Variants in MEGF9 observed in about 807,000 individuals in gnomAD.
The protein encoded by MEGF9 is multiple epidermal growth factor-like domains protein 9.
MEGF9 carries 6 observed loss-of-function variants against 46.8 expected under a neutral mutation model. The observed-to-expected ratio is 0.13, with a 90% CI of 0.07 to 0.25. The LOEUF (loss-of-function observed/expected upper bound fraction) is 0.25, where lower values mean the gene tolerates loss of function less well. Ranked by LOEUF, MEGF9 falls within the 10% of genes least tolerant of loss-of-function variation. MEGF9 has a pLI of 1.00. For synonymous variants in MEGF9, 302 were observed against 330.7 expected (o/e 0.91, Z 0.94); for missense variants, 683 against 792.4 (o/e 0.86, Z 1.66).
intron 1 of MEGF9, among the ~76,000 whole-genome samples, chr9:120,708,804 T>C (rs911799227): frequency 6.6e-6 from 1 of 152,152 alleles, no homozygotes; most frequent in Non-Finnish European, 1.5e-5. Context: ...TTTAACACAA[T>C]CAATCTTATA....
At chr9:120,699,154 T>C (rs1198008934) in intron 1 of MEGF9, among the ~76,000 whole-genome samples, 5 of 152,220 alleles carry the variant, frequency 3.3e-5, no homozygotes, top group African/African-American at 1.2e-4. Flanking sequence ...TTTGGTGACA[T>C]GATAAATAAT....
chr9:120,700,258 T>C (rs972191539), intron 1 of MEGF9, among the ~76,000 whole-genome samples: 2 of 152,242 alleles, frequency 1.3e-5, no homozygotes, highest in African/African-American at 4.8e-5. Flanking sequence ...TGACTTCGAT[T>C]CTACTGATTA....
At chr9:120,676,878 C>T (rs2043775477) in intron 1 of MEGF9, among the ~76,000 whole-genome samples, 1 of 152,144 alleles carries the variant, frequency 6.6e-6, no homozygotes, top group Non-Finnish European at 1.5e-5. Flanking sequence ...ACTGCAAGTC[C>T]CAGTTTATTA....
chr9:120,611,024 C>T (rs2043442768), intron 4 of MEGF9, among the ~76,000 whole-genome samples: 1 of 152,116 alleles, frequency 6.6e-6, no homozygotes, highest in Admixed American at 6.6e-5. Context: ...GAACATGCAA[C>T]TTAAAACCAC....
At chr9:120,671,246 T>G (rs1264406489) in intron 1 of MEGF9, among the ~76,000 whole-genome samples, 3 of 152,178 alleles carry the variant, frequency 2.0e-5, no homozygotes, top group Non-Finnish European at 4.4e-5. Flanking sequence ...CAGATCATTT[T>G]GGTTCCCAAT....
At chr9:120,644,982 G>C (rs760857601) in intron 2 of MEGF9, among the ~76,000 whole-genome samples, 1 of 152,198 alleles carries the variant, frequency 6.6e-6, no homozygotes, top group Non-Finnish European at 1.5e-5. Context: ...GTGTGCAATT[G>C]CTTTGCCATT....
In MEGF9 at chr9:120,604,727, T is replaced by C. The variant is rs1207714943; in HGVS notation, c.*463A>G. 1 of 164,252 alleles carries C rather than the reference T, an allele frequency of 6.1e-6. No homozygotes were observed. The highest frequency in any genetic ancestry group is 1.4e-5 in the Non-Finnish European group (1 of 73,778). 10.2% of individuals were successfully genotyped at this position (164,252 alleles called of 1,614,324 possible). On this transcript the variant is annotated 3_prime_UTR_variant, in exon 6 of 6. Coordinates refer to ENST00000373930, the MANE Select transcript of MEGF9 (RefSeq NM_001080497.3). ...TGTGATACAGCCTAGAAACAAGCTTTTCCTCAATGATGTCCTTTTGTATAG... is the reference window on the plus strand; with the variant it reads ...TGTGATACAGCCTAGAAACAAGCTTCTCCTCAATGATGTCCTTTTGTATAG...
chr9:120,678,861 G>C (rs2043785241), intron 1 of MEGF9, among the ~76,000 whole-genome samples: 1 of 152,130 alleles, frequency 6.6e-6, no homozygotes, highest in African/African-American at 2.4e-5. Context: ...TGGCTGAACA[G>C]ACACATGAAA....
At chr9:120,712,035 C>T (rs1423498904) in intron 1 of MEGF9, among the ~76,000 whole-genome samples, 1 of 152,132 alleles carries the variant, frequency 6.6e-6, no homozygotes, top group East Asian at 1.9e-4. Context: ...GGCAGGAGGA[C>T]TGCTTGAGTT....
chr9:120,686,838 A>G (rs2043825008), intron 1 of MEGF9, among the ~76,000 whole-genome samples: 1 of 151,820 alleles, frequency 6.6e-6, no homozygotes, highest in Non-Finnish European at 1.5e-5. Flanking sequence ...TTCCCTTTCA[A>G]CTCTCTGGGA....
At chr9:120,682,654 T>C (rs556377362) in intron 1 of MEGF9, among the ~76,000 whole-genome samples, 4 of 152,292 alleles carry the variant, frequency 2.6e-5, no homozygotes, top group African/African-American at 9.6e-5. Flanking sequence ...GTGGCATGAT[T>C]ATGGTCCACT....
intron 1 of MEGF9, among the ~76,000 whole-genome samples, chr9:120,668,791 G>T (rs1357617203): frequency 6.6e-6 from 1 of 152,178 alleles, no homozygotes; most frequent in African/African-American, 2.4e-5. Flanking sequence ...CTGTGATGCA[G>T]GTACCTTAAG....
intron 1 of MEGF9, among the ~76,000 whole-genome samples, chr9:120,697,596 C>T (rs62578018): frequency 0.051 from 7,765 of 152,102 alleles, 286 homozygotes; most frequent in Non-Finnish European, 0.075. Context: ...TTGTTAGCAC[C>T]GATCCTCTTT....
At chr9:120,686,947 T>TTGTGTG (rs59677137) in intron 1 of MEGF9, among the ~76,000 whole-genome samples, 3 of 150,626 alleles carry the variant, frequency 2.0e-5, no homozygotes, top group African/African-American at 2.4e-5. Context: ...ATAAAATAGT[T>TTGTGTG]TGTGTGTGTG....
chr9:120,624,590 GGGCGTGGT>G (rs2043515781), intron 2 of MEGF9, among the ~76,000 whole-genome samples: 1 of 152,102 alleles, frequency 6.6e-6, no homozygotes. Context: ...AATATAGGCC[GGGCGTGGT>G]GGCTCACACC....
rs2132348326 is a variant in MEGF9, at chr9:120,711,219, C to T, written c.601+2539G>A. Among the ~76,000 whole-genome samples the T allele has an allele frequency of 2.0e-5, 3 of 152,146 alleles. 1 individual carries two copies. In the South Asian group the frequency reaches 6.2e-4, roughly 32 times the overall value. On this transcript the variant is annotated intron_variant, in intron 1 of 5. Coordinates refer to ENST00000373930, the MANE Select transcript of MEGF9 (RefSeq NM_001080497.3). ...TCCTCTCTGCTTTTTAAAGTGAAGC[C>T]TAGAAGCAATCTAAGTGTCCATAAA...
At chr9:120,642,943 G>A (rs2043609256) in intron 2 of MEGF9, among the ~76,000 whole-genome samples, 1 of 152,070 alleles carries the variant, frequency 6.6e-6, no homozygotes. Flanking sequence ...CCAAATTGTT[G>A]AAACACACAA....
intron 1 of MEGF9, among the ~76,000 whole-genome samples, chr9:120,703,035 A>G (rs995006264): frequency 2.0e-5 from 3 of 152,220 alleles, no homozygotes; most frequent in African/African-American, 7.2e-5. Context: ...TCATTTGTCC[A>G]TTGTTGTTCT....
intron 3 of MEGF9, among the ~76,000 whole-genome samples, chr9:120,616,704 G>T (rs1053808930): frequency 2.0e-5 from 3 of 148,580 alleles, no homozygotes; most frequent in Non-Finnish European, 3.0e-5. Flanking sequence ...AAAAAAAGTG[G>T]TATGGGAATT....
Sources: gnomAD v4.1 joint callset for allele counts (sites outside exome capture counted in the v4.1 genomes callset) on GRCh38, gnomAD v4.1.1 for gene constraint, MANE v1.5 for transcripts, NCBI Gene and HGNC (gene_info 2026-07-23, HGNC 2026-07-21) for gene names.